DPP10: variants seen among roughly 807,000 people sequenced by gnomAD.
The protein encoded by DPP10 is dipeptidyl peptidase like 10, also known as inactive dipeptidyl peptidase 10.
In DPP10, 33 loss-of-function variants were observed where a neutral mutation model predicts 120.9. That is an observed-to-expected ratio of 0.27 (90% confidence interval 0.21 to 0.37). The LOEUF is 0.37. Ranked by LOEUF, DPP10 falls within the 10% of genes least tolerant of loss-of-function variation. The pLI is 1.00. For missense variants in DPP10, 816 were observed against 942.8 expected (o/e 0.87, Z 1.76); for synonymous variants, 337 against 326.1 (o/e 1.03, Z -0.36).
At chr2:114,828,941 G>A (rs538367623) in intron 1 of DPP10, 3 of 152,258 alleles carry the variant, frequency 2.0e-5, no homozygotes, top group South Asian at 2.1e-4. Context: ...TGCAATAGGG[G>A]AAAATAAAGT....
intron 3 of DPP10, among the ~76,000 whole-genome samples, chr2:115,398,351 T>TA (rs1346862211): frequency 6.6e-6 from 1 of 152,120 alleles, no homozygotes; most frequent in Non-Finnish European, 1.5e-5. Context: ...ATTAAGTAGT[T>TA]AAAAAATTCA....
chr2:115,318,097 T>C (rs2061884677), intron 2 of DPP10, among the ~76,000 whole-genome samples: 1 of 152,110 alleles, frequency 6.6e-6, no homozygotes, highest in Non-Finnish European at 1.5e-5. Context: ...GGGTCATTGA[T>C]TCATTTTGAG....
chr2:114,801,176 T>A (rs1388312715), intron 1 of DPP10, among the ~76,000 whole-genome samples: 1 of 145,998 alleles, frequency 6.8e-6, no homozygotes, highest in Non-Finnish European at 1.5e-5. Context: ...GGCAGGAGAA[T>A]GGCGTGAACC....
rs531765723 is a variant in DPP10 at position 115,592,617 on chromosome 2, G to A, written c.441+66645G>A. 5.9e-5 allele frequency among the ~76,000 whole-genome samples: 9 copies of A among 151,892 alleles called. No homozygotes were observed. The East Asian group carries it at 7.7e-4, about 13-fold the overall frequency. ...AAAAAAAAACAAAAATTAGCTGGGC[G>A]TGGTGGCTTGTGCCTGTAGTCCCAG... is the stretch of plus-strand genomic sequence containing the variant. On this transcript the variant is annotated intron_variant, in intron 5 of 25. Transcript: ENST00000410059.
intron 3 of DPP10, among the ~76,000 whole-genome samples, chr2:115,389,760 A>G (rs1574677595): frequency 6.6e-6 from 1 of 152,190 alleles, no homozygotes; most frequent in East Asian, 1.9e-4. Context: ...CATACTCACA[A>G]AAGAGTAGTA....
intron 1 of DPP10, among the ~76,000 whole-genome samples, chr2:114,864,328 T>TTGACCAAGA (rs1690053682): frequency 6.6e-6 from 1 of 152,200 alleles, no homozygotes; most frequent in Non-Finnish European, 1.5e-5. Context: ...GAATATGGTG[T>TTGACCAAGA]TGACCAAGAT....
intron 5 of DPP10, among the ~76,000 whole-genome samples, chr2:115,664,961 G>A (rs139788840): frequency 1.4e-4 from 21 of 152,038 alleles, no homozygotes; most frequent in Admixed American, 2.6e-4. Context: ...TGCTCTAGTC[G>A]CCTATGGCTA....
chr2:115,004,350 A>C (rs563009223), intron 1 of DPP10, among the ~76,000 whole-genome samples: 1 of 152,290 alleles, frequency 6.6e-6, no homozygotes, highest in East Asian at 1.9e-4. Flanking sequence ...AAAGACAAAT[A>C]TCTAGGGGGA....
chr2:115,178,366 A>G lies in DPP10; in HGVS notation c.61-130873A>G, dbSNP rs569429203. Among the ~76,000 whole-genome samples the G allele has an allele frequency of 7.2e-5, 11 of 152,290 alleles. No homozygotes were observed. In the East Asian group the frequency reaches 1.9e-3, roughly 27 times the overall value. On this transcript the variant is annotated intron_variant, in intron 1 of 25. Transcript: ENST00000410059. ...TGCCACCTAGAAGTTATGTGGCCCT[A>G]GTCAAATTACTTTCCTTCTCTGAAC...
intron 1 of DPP10, among the ~76,000 whole-genome samples, chr2:114,953,183 A>C (rs1697923481): frequency 6.6e-6 from 1 of 152,208 alleles, no homozygotes; most frequent in African/African-American, 2.4e-5. Context: ...TAATAGAATC[A>C]GAGAACTGAA....
At chr2:115,712,199 T>G (rs1172262474) in intron 7 of DPP10, among the ~76,000 whole-genome samples, 1 of 150,360 alleles carries the variant, frequency 6.7e-6, no homozygotes, top group African/African-American at 2.5e-5. Context: ...TAGTCCCATC[T>G]GGGGTAATGG....
At chr2:115,728,288 TAAAA>T (rs60549082) in intron 8 of DPP10, among the ~76,000 whole-genome samples, 2,599 of 147,286 alleles carry the variant, frequency 0.018, 69 homozygotes, top group African/African-American at 0.054. Context: ...CCTTTATTTC[TAAAA>T]AAAAAAAAAA....
intron 1 of DPP10, among the ~76,000 whole-genome samples, chr2:114,525,800 G>A (rs1396068137): frequency 1.3e-5 from 2 of 152,048 alleles, no homozygotes; most frequent in Non-Finnish European, 2.9e-5. Context: ...TCTTTATTTA[G>A]CAAATAGCCA....
chr2:115,638,545 T>C (rs1464269675), intron 5 of DPP10, among the ~76,000 whole-genome samples: 1 of 152,230 alleles, frequency 6.6e-6, no homozygotes, highest in African/African-American at 2.4e-5. Flanking sequence ...GTTTTTTCAC[T>C]AAAATATCTA....
chr2:115,721,102 G>C (rs985252094), intron 7 of DPP10, among the ~76,000 whole-genome samples: 1 of 152,164 alleles, frequency 6.6e-6, no homozygotes, highest in Non-Finnish European at 1.5e-5. Context: ...TAAAACATTG[G>C]CATTGGAATT....
chr2:115,081,974 G>T (rs567578451), intron 1 of DPP10, among the ~76,000 whole-genome samples: 1 of 152,272 alleles, frequency 6.6e-6, no homozygotes, highest in East Asian at 1.9e-4. Context: ...GGAAAAATCC[G>T]CTTTTGTACC....
intron 1 of DPP10, among the ~76,000 whole-genome samples, chr2:114,735,744 A>C (rs1334673732): frequency 6.6e-6 from 1 of 152,066 alleles, no homozygotes; most frequent in African/African-American, 2.4e-5. Context: ...TCTGAAAAAG[A>C]AGCACATGTA....
chr2:115,617,261 A>G (rs1343659998), intron 5 of DPP10, among the ~76,000 whole-genome samples: 1 of 14,598 alleles, frequency 6.9e-5, no homozygotes, highest in Non-Finnish European at 1.5e-4. Flanking sequence ...GTATGGGTAT[A>G]TATATATTTT....
In DPP10 at chr2:115,456,144, G is replaced by T. The variant is rs528861542; in HGVS notation, c.272-43366G>T. 2.8e-4 allele frequency among the ~76,000 whole-genome samples: 42 copies of T among 152,196 alleles called. 2 individuals are homozygous for T. In the South Asian group the frequency reaches 8.3e-3, roughly 30 times the overall value. Reference sequence around the variant, plus strand: ...AAAAAACAACCCCATCAAAAAGTGGGTGAAGAAAATGAACAGACTCTTCTC... The same window carrying T: ...AAAAAACAACCCCATCAAAAAGTGGTTGAAGAAAATGAACAGACTCTTCTC... On this transcript the variant is annotated intron_variant, in intron 3 of 25. Transcript: ENST00000410059.
Sources: allele counts gnomAD v4.1 joint callset (sites outside exome capture counted in the v4.1 genomes callset), GRCh38; gene constraint gnomAD v4.1.1; transcripts MANE v1.5; gene names NCBI Gene and HGNC (gene_info 2026-07-23, HGNC 2026-07-21).